Variants in KCNJ4 observed in about 807,000 individuals in gnomAD.
KCNJ4 encodes the protein inward rectifier potassium channel 4.
Under a neutral mutation model 25.6 loss-of-function variants are expected in KCNJ4, and 3 were observed. The ratio of observed to expected loss-of-function variants is 0.12; its 90% CI spans 0.05 to 0.30. KCNJ4 has a LOEUF of 0.30. Ranked by LOEUF, KCNJ4 falls within the 10% of genes least tolerant of loss-of-function variation. The pLI, the probability that KCNJ4 is intolerant of heterozygous loss-of-function variation, is 1.00. For synonymous variants in KCNJ4, 257 were observed against 283.9 expected (o/e 0.91, Z 0.95); for missense variants, 286 against 666.8 (o/e 0.43, Z 6.29).
intron 1 of KCNJ4, among the ~76,000 whole-genome samples, chr22:38,446,033 A>AT (rs2089372154): frequency 6.6e-6 from 1 of 152,096 alleles, no homozygotes; most frequent in Non-Finnish European, 1.5e-5. Context: ...TCTGGTTCCA[A>AT]TTTTTTCCCC....
intron 1 of KCNJ4, among the ~76,000 whole-genome samples, chr22:38,444,616 GTGGGAGAGGGCA>G (rs2089360704): frequency 6.6e-6 from 1 of 152,214 alleles, no homozygotes; most frequent in African/African-American, 2.4e-5. Flanking sequence ...ACAGGACCTA[GTGGGAGAGGGCA>G]TGGGAGACAG....
intron 1 of KCNJ4, among the ~76,000 whole-genome samples, chr22:38,429,105 A>T (rs1388786280): frequency 7.3e-6 from 1 of 136,810 alleles, no homozygotes; most frequent in African/African-American, 2.7e-5. Flanking sequence ...AAAAAAAAAA[A>T]AGAAAGAAAA....
intron 1 of KCNJ4, among the ~76,000 whole-genome samples, chr22:38,444,381 C>T (rs1253735093): frequency 1.3e-5 from 2 of 152,208 alleles, no homozygotes; most frequent in Non-Finnish European, 2.9e-5. Flanking sequence ...GAGAACTTCC[C>T]AGCGGAGGTG....
At chr22:38,435,223 C>G (rs2093061931) in intron 1 of KCNJ4, among the ~76,000 whole-genome samples, 1 of 152,168 alleles carries the variant, frequency 6.6e-6, no homozygotes, top group Non-Finnish European at 1.5e-5. Flanking sequence ...TCCTGAGTCT[C>G]CTTAGCCCCA....
chr22:38,428,100 G>T lies in KCNJ4; in HGVS notation c.33C>A (p.His11Gln). MHGHSRNGQA[H>Q]VPRRKRRNRF... ...GGTTGCGGCGCTTCCGCCGGGGCAC[G>T]TGGGCCTGGCCGTTGCGGCTGTGTC... is the stretch of plus-strand genomic sequence containing the variant. Residue 11 changes from histidine (H) to glutamine (Q), a missense_variant, in exon 2 of 2, where the codon CAC (histidine) becomes CAA (glutamine). Physicochemically the swap from His to Gln is conservative, Grantham distance 24 (BLOSUM62 0). Coordinates refer to ENST00000303592, the MANE Select transcript of KCNJ4 (RefSeq NM_152868.3). The T allele has an allele frequency of 6.2e-7, 1 of 1,613,346 alleles. No homozygotes were observed. Among genetic ancestry groups the T allele is most frequent in the Non-Finnish European group, 8.5e-7 (1 of 1,179,684 alleles).
chr22:38,434,512 G>C (rs1473349593), intron 1 of KCNJ4, among the ~76,000 whole-genome samples: 1 of 152,140 alleles, frequency 6.6e-6, no homozygotes, highest in Non-Finnish European at 1.5e-5. Flanking sequence ...GATGCCGGGG[G>C]GTTGAGGGGT....
At position 38,426,501 on chromosome 22, in the gene KCNJ4, A is replaced by T; in HGVS notation, c.*294T>A. On this transcript the variant is annotated 3_prime_UTR_variant, in exon 2 of 2. Transcript: ENST00000303592. ...TCCAGCCACCTTCCCCAAGGTTCTG[A>T]GAGCAAAGAGGGCACGTCCTTGAAG... 1 of 220,186 alleles carries T rather than the reference A, an allele frequency of 4.5e-6. No individual in the cohort carries two copies. Among genetic ancestry groups the T allele is most frequent in the Non-Finnish European group, 8.7e-6 (1 of 115,148 alleles). The allele number at this position is 220,186 out of a possible 1,614,324, so 13.6% of individuals were successfully genotyped here. A position where few individuals can be genotyped will look rare whatever the true frequency, so the allele number is the denominator to read the frequency against.
In KCNJ4 at chr22:38,449,657, C is replaced by T. The variant is rs964644581; in HGVS notation, c.-40+5323G>A. On this transcript the variant is annotated intron_variant, in intron 1 of 1. Coordinates refer to ENST00000303592, the MANE Select transcript of KCNJ4 (RefSeq NM_152868.3). The surrounding 1 kb of genome is among the most constrained non-coding windows in gnomAD (Gnocchi z 5.2). ...CGCCAGCACTCCTCCCCACCGGTTTCCCACCCTGTGTGTCCCAACAGAGAA... is the reference window on the plus strand; with the variant it reads ...CGCCAGCACTCCTCCCCACCGGTTTTCCACCCTGTGTGTCCCAACAGAGAA... Among the ~76,000 whole-genome samples the T allele has an allele frequency of 2.0e-5, 3 of 152,234 alleles. No homozygotes were observed. Among genetic ancestry groups the T allele is most frequent in the African/African-American group, 7.2e-5 (3 of 41,454 alleles).
chr22:38,431,157 G>A (rs2093048583), intron 1 of KCNJ4, among the ~76,000 whole-genome samples: 1 of 152,238 alleles, frequency 6.6e-6, no homozygotes, highest in African/African-American at 2.4e-5. Context: ...CCAAACACAA[G>A]CCCAGGGTTC....
intron 1 of KCNJ4, among the ~76,000 whole-genome samples, chr22:38,445,508 G>A (rs927734112): frequency 1.3e-5 from 2 of 151,948 alleles, no homozygotes; most frequent in African/African-American, 4.8e-5. Flanking sequence ...TTTAGAGACA[G>A]AGTCTTGCTC....
At chr22:38,442,867 C>T (rs560359084) in intron 1 of KCNJ4, among the ~76,000 whole-genome samples, 6 of 152,234 alleles carry the variant, frequency 3.9e-5, no homozygotes, top group South Asian at 2.1e-4. Flanking sequence ...CCCAGCCTCT[C>T]GAATAGCTGG....
intron 1 of KCNJ4, among the ~76,000 whole-genome samples, chr22:38,440,331 C>A (rs1453786491): frequency 2.0e-5 from 3 of 152,118 alleles, no homozygotes; most frequent in Admixed American, 6.6e-5. Context: ...CACCTGAGGT[C>A]AGGAGTTTGA....
chr22:38,435,656 G>A (rs7291841), intron 1 of KCNJ4, among the ~76,000 whole-genome samples: 77,506 of 150,114 alleles, frequency 0.52, 20,969 homozygotes, highest in East Asian at 0.81. Flanking sequence ...TCGTGCCACT[G>A]CACTCCAGTC....
At chr22:38,448,586 C>T (rs1451619673) in intron 1 of KCNJ4, among the ~76,000 whole-genome samples, 4 of 152,154 alleles carry the variant, frequency 2.6e-5, no homozygotes, top group Admixed American at 6.5e-5. Flanking sequence ...AGACCCTGCT[C>T]GCCTCCCACA....
At chr22:38,433,722 G>A (rs1005158254) in intron 1 of KCNJ4, among the ~76,000 whole-genome samples, 5 of 152,132 alleles carry the variant, frequency 3.3e-5, no homozygotes, top group African/African-American at 4.8e-5. Flanking sequence ...GCATGGCACC[G>A]TGTCCGAGGT....
intron 1 of KCNJ4, among the ~76,000 whole-genome samples, chr22:38,436,967 C>T (rs2093067210): frequency 6.6e-6 from 1 of 152,232 alleles, no homozygotes; most frequent in Non-Finnish European, 1.5e-5. Context: ...TCCAGTCCTA[C>T]TACGTGCCAG....
chr22:38,453,800 A>G (rs2089423218), intron 1 of KCNJ4, among the ~76,000 whole-genome samples: 1 of 152,196 alleles, frequency 6.6e-6, no homozygotes, highest in South Asian at 2.1e-4. Flanking sequence ...AACACCCCAG[A>G]AAGAGTCCCT....
chr22:38,435,664 G>A (rs2093063323), intron 1 of KCNJ4, among the ~76,000 whole-genome samples: 1 of 150,616 alleles, frequency 6.6e-6, no homozygotes, highest in Admixed American at 6.6e-5. Flanking sequence ...CTGCACTCCA[G>A]TCTGGGCAAC....
chr22:38,438,103 G>A (rs1324178550), intron 1 of KCNJ4, among the ~76,000 whole-genome samples: 2 of 152,012 alleles, frequency 1.3e-5, no homozygotes, highest in Non-Finnish European at 2.9e-5. Context: ...GCCAGGTGTG[G>A]TGGCAGGCGC....
Sources: allele counts gnomAD v4.1 joint callset (sites outside exome capture counted in the v4.1 genomes callset), GRCh38; gene constraint gnomAD v4.1.1; non-coding constraint Gnocchi (gnomAD v3.1); transcripts MANE v1.5; gene names NCBI Gene and HGNC (gene_info 2026-07-23, HGNC 2026-07-21).